TMTC2: variants seen among roughly 807,000 people sequenced by gnomAD.
TMTC2 encodes protein O-mannosyl-transferase TMTC2.
A neutral mutation model predicts 82.4 loss-of-function variants in TMTC2; 43 were observed. That is an observed-to-expected ratio of 0.52 (90% confidence interval 0.41 to 0.67). The LOEUF (loss-of-function observed/expected upper bound fraction) is 0.67. TMTC2 is among the 30% of genes least tolerant of loss of function. TMTC2 has a pLI of 0.00. For missense variants in TMTC2, 919 were observed against 1,012.4 expected (o/e 0.91, Z 1.25); for synonymous variants, 408 against 381.9 (o/e 1.07, Z -0.80).
chr12:82,878,191 A>G (rs1872674045), intron 2 of TMTC2, among the ~76,000 whole-genome samples: 1 of 152,212 alleles, frequency 6.6e-6, no homozygotes, highest in Non-Finnish European at 1.5e-5. Context: ...TGCTATGGAT[A>G]GTAAGTCAGT....
chr12:82,964,421 A>G (rs1230330533), intron 4 of TMTC2, among the ~76,000 whole-genome samples: 1 of 152,092 alleles, frequency 6.6e-6, no homozygotes, highest in Non-Finnish European at 1.5e-5. Context: ...AAATTTGCAT[A>G]GTGTTCCGAA....
At chr12:82,763,254 C>T (rs997555257) in intron 1 of TMTC2, among the ~76,000 whole-genome samples, 5 of 74,890 alleles carry the variant, frequency 6.7e-5, no homozygotes, top group African/African-American at 1.9e-4. Flanking sequence ...GAATAGAAGA[C>T]AGAAAGACAG....
chr12:82,760,205 A>G (rs1876538277), intron 1 of TMTC2: 2 of 152,088 alleles, frequency 1.3e-5, no homozygotes, highest in African/African-American at 4.8e-5. Flanking sequence ...TTATTATTTT[A>G]AAATATGTAA....
chr12:82,695,630 TAAA>T (rs1290141392), intron 1 of TMTC2, among the ~76,000 whole-genome samples: 2 of 152,154 alleles, frequency 1.3e-5, no homozygotes, highest in African/African-American at 2.4e-5. Context: ...TAAATGTGAG[TAAA>T]TAAACTCTGG....
At chr12:82,876,052 TGGTGGTG>T (rs1872502959) in intron 2 of TMTC2, among the ~76,000 whole-genome samples, 3 of 124,134 alleles carry the variant, frequency 2.4e-5, no homozygotes, top group African/African-American at 8.9e-5. Flanking sequence ...GTGGTGGTGG[TGGTGGTG>T]GTGGTGGTGA....
chr12:83,092,682 A>G (rs1046893106), intron 11 of TMTC2, among the ~76,000 whole-genome samples: 3 of 152,188 alleles, frequency 2.0e-5, no homozygotes, highest in South Asian at 4.1e-4. Context: ...AGTTCAATCA[A>G]ATAGAAATAC....
At chr12:83,054,996 G>A (rs1019103474) in intron 10 of TMTC2, among the ~76,000 whole-genome samples, 2 of 152,024 alleles carry the variant, frequency 1.3e-5, no homozygotes, top group Non-Finnish European at 2.9e-5. Context: ...CAGTGGGGTT[G>A]GGAGCTCTAC....
intron 1 of TMTC2, among the ~76,000 whole-genome samples, chr12:82,785,367 T>TAA (rs1878130757): frequency 2.1e-5 from 1 of 47,402 alleles, no homozygotes; most frequent in African/African-American, 8.0e-5. Flanking sequence ...CCCCCCCCCG[T>TAA]CCCCCCCAAA....
intron 11 of TMTC2, among the ~76,000 whole-genome samples, chr12:83,078,632 A>C (rs1883366493): frequency 6.6e-6 from 1 of 152,188 alleles, no homozygotes; most frequent in Non-Finnish European, 1.5e-5. Context: ...ATTTTTGGTG[A>C]TACCAAAAAG....
At chr12:82,797,095 A>C (rs966894630) in intron 1 of TMTC2, among the ~76,000 whole-genome samples, 1 of 152,148 alleles carries the variant, frequency 6.6e-6, no homozygotes, top group African/African-American at 2.4e-5. Context: ...TGTATTGTTC[A>C]TACTTTACAT....
At chr12:82,806,830 T>C (rs1241179745) in intron 1 of TMTC2, among the ~76,000 whole-genome samples, 1 of 152,096 alleles carries the variant, frequency 6.6e-6, no homozygotes, top group Non-Finnish European at 1.5e-5. Context: ...CTTGCTGTGT[T>C]AGATGGCAAA....
chr12:82,980,954 A>G (rs1878889032), intron 7 of TMTC2, among the ~76,000 whole-genome samples: 1 of 151,812 alleles, frequency 6.6e-6, no homozygotes, highest in African/African-American at 2.4e-5. Context: ...TTTCATTTGC[A>G]CCTACAAGCA....
intron 4 of TMTC2, among the ~76,000 whole-genome samples, chr12:82,962,793 CTG>C (rs2137298167): frequency 6.6e-6 from 1 of 152,062 alleles, no homozygotes; most frequent in East Asian, 1.9e-4. Context: ...CATGCAGAGA[CTG>C]TAGTTATCCA....
rs562767083 is a variant in TMTC2, at chr12:82,846,247, A to G, written c.84-10763A>G. Among the ~76,000 whole-genome samples the G allele has an allele frequency of 6.7e-4, 102 of 152,180 alleles. 1 individual carries two copies. Among genetic ancestry groups the G allele is most frequent in the African/African-American group, 2.4e-3 (98 of 41,482 alleles). On this transcript the variant is annotated intron_variant, in intron 1 of 11. Transcript: ENST00000321196. ...GTGGCGCACACGTATAGTCCCAGCT[A>G]CTTGGGAGGCTGAGGCAGGAGAATC...
intron 1 of TMTC2, among the ~76,000 whole-genome samples, chr12:82,718,681 G>A (rs1243363747): frequency 6.6e-6 from 1 of 152,102 alleles, no homozygotes; most frequent in Non-Finnish European, 1.5e-5. Flanking sequence ...CTAAGAATGA[G>A]CAAAAATTCA....
intron 1 of TMTC2, among the ~76,000 whole-genome samples, chr12:82,730,724 C>T (rs998106191): frequency 6.6e-6 from 1 of 152,136 alleles, no homozygotes. Flanking sequence ...TTGATGGAGC[C>T]ATCTTGAAAA....
chr12:82,798,732 G>A (rs1000101239), intron 1 of TMTC2, among the ~76,000 whole-genome samples: 4 of 150,608 alleles, frequency 2.7e-5, no homozygotes, highest in African/African-American at 4.9e-5. Flanking sequence ...GCTTGAACCC[G>A]GAAGGCGGAG....
Position 83,132,588 on chromosome 12 carries a change from A to G in TMTC2, c.*199A>G. 1 of 578,694 alleles carries G rather than the reference A, an allele frequency of 1.7e-6. No individual in the cohort carries two copies. The highest frequency in any genetic ancestry group is 3.2e-5 in the East Asian group (1 of 30,962). The allele number at this position is 578,694 out of a possible 1,614,324, so 35.8% of individuals were successfully genotyped here. A position where few individuals can be genotyped will look rare whatever the true frequency, so the allele number is the denominator to read the frequency against. On this transcript the variant is annotated 3_prime_UTR_variant, in exon 12 of 12. Coordinates refer to ENST00000321196, the MANE Select transcript of TMTC2 (RefSeq NM_152588.3). Reference sequence around the variant, plus strand: ...AACACCAAAAAGGGGAAAGCCGGAAACCTCCTGGAGGATGTCATTGTTACC... The same window carrying G: ...AACACCAAAAAGGGGAAAGCCGGAAGCCTCCTGGAGGATGTCATTGTTACC...
At chr12:82,811,411 C>T (rs953188113) in intron 1 of TMTC2, among the ~76,000 whole-genome samples, 3 of 151,842 alleles carry the variant, frequency 2.0e-5, no homozygotes, top group African/African-American at 7.3e-5. Context: ...TAGGTTTTGG[C>T]CAATTTCTTA....
Sources: allele counts gnomAD v4.1 joint callset (sites outside exome capture counted in the v4.1 genomes callset), GRCh38; gene constraint gnomAD v4.1.1; transcripts MANE v1.5; gene names NCBI Gene and HGNC (gene_info 2026-07-23, HGNC 2026-07-21).